The following CUX2 variants were observed in gnomAD, a reference collection of about 807,000 sequenced individuals.
CUX2 encodes the protein cut like homeobox 2.
In CUX2, 40 loss-of-function variants were observed where a neutral mutation model predicts 144.8. The observed-to-expected ratio is 0.28, with a 90% CI of 0.21 to 0.36. The LOEUF is 0.36. Among genes scored for constraint, CUX2 ranks in the 10% least tolerant of loss-of-function variants. The pLI, the probability that CUX2 is intolerant of heterozygous loss-of-function variation, is 1.00. For missense variants in CUX2, 1,615 were observed against 1,994.0 expected (o/e 0.81, Z 3.62); for synonymous variants, 827 against 875.6 (o/e 0.94, Z 0.98).
intron 1 of CUX2, among the ~76,000 whole-genome samples, chr12:111,184,103 A>G (rs531995365): frequency 5.9e-5 from 9 of 152,300 alleles, no homozygotes; most frequent in Non-Finnish European, 1.3e-4. Context: ...GCAGCCATCA[A>G]TGTGGTCCCT....
At chr12:111,046,420 C>G (rs771149883) in intron 1 of CUX2, among the ~76,000 whole-genome samples, 8 of 152,198 alleles carry the variant, frequency 5.3e-5, no homozygotes, top group African/African-American at 7.2e-5. Flanking sequence ...GATGACCATT[C>G]CCATTTTACA....
rs1284332799 is a variant in CUX2, at chr12:111,337,546, T to C, written c.3197-740T>C. On this transcript the variant is annotated intron_variant, in intron 19 of 21. Transcript: ENST00000261726. ...CTTTCCTGCTGCCTCTAAAAATAAG[T>C]CTGTGTGCATCTGTGTGAACTTGGG... 2.6e-5 allele frequency among the ~76,000 whole-genome samples: 4 copies of C among 152,150 alleles called. No homozygotes were observed. The East Asian group carries it at 7.7e-4, about 29-fold the overall frequency.
intron 18 of CUX2, among the ~76,000 whole-genome samples, chr12:111,333,902 C>G (rs1400886654): frequency 6.6e-6 from 1 of 151,580 alleles, no homozygotes; most frequent in Non-Finnish European, 1.5e-5. Flanking sequence ...AATTACTAAG[C>G]ATCGGCCAGG....
chr12:111,294,806 G>C lies in CUX2; in HGVS notation c.561-527G>C, dbSNP rs530130441. 7.9e-5 allele frequency among the ~76,000 whole-genome samples: 12 copies of C among 152,090 alleles called. No individual in the cohort carries two copies. In the East Asian group the frequency reaches 1.6e-3, roughly 20 times the overall value. On this transcript the variant is annotated intron_variant, in intron 6 of 21. Transcript: ENST00000261726. ...CCAGGTACTCAGGAGGTTTAGGCGG[G>C]AGAATTGCTTGAACCTGGGAGGCGG...
At chr12:111,041,427 T>A (rs73411390) in intron 1 of CUX2, among the ~76,000 whole-genome samples, 11,486 of 152,248 alleles carry the variant, frequency 0.075, 1,431 homozygotes, top group African/African-American at 0.26. Flanking sequence ...CTCTTACTCC[T>A]TTGGGGTTAC....
chr12:111,193,416 A>C (rs985189292), intron 1 of CUX2, among the ~76,000 whole-genome samples: 8 of 152,246 alleles, frequency 5.3e-5, no homozygotes, highest in Non-Finnish European at 8.8e-5. Context: ...ACACTTGTGA[A>C]GTGTAATCAG....
intron 1 of CUX2, among the ~76,000 whole-genome samples, chr12:111,199,080 G>T (rs1880413210): frequency 6.6e-6 from 1 of 152,152 alleles, no homozygotes. Context: ...AAGGGAGGAG[G>T]CCTCGGAAAT....
At chr12:111,036,014 A>G (rs1246648508) in intron 1 of CUX2, among the ~76,000 whole-genome samples, 1 of 152,200 alleles carries the variant, frequency 6.6e-6, no homozygotes, top group Non-Finnish European at 1.5e-5. Context: ...ACGAAGGCCA[A>G]TGGTAATCGT....
Position 111,334,647 on chromosome 12 carries a change from C to G in CUX2, c.3133C>G (p.Pro1045Ala), listed in dbSNP as rs759732385. The G allele has an allele frequency of 6.2e-7, 1 of 1,613,956 alleles. No homozygotes were observed. The highest frequency in any genetic ancestry group is 8.5e-7 in the Non-Finnish European group (1 of 1,180,010). Residue 1045 changes from proline to alanine, a missense_variant, in exon 19 of 22, where the codon CCC (proline) becomes GCC (alanine). This residue lies in a region of CUX2 where 128 missense variants were observed against 124.4 expected (regional missense o/e 1.03). Coordinates refer to ENST00000261726, the MANE Select transcript of CUX2 (RefSeq NM_015267.4). ...GGIQEIVAMS[P>A]ELDTYSITKR... Reference sequence around the variant, plus strand: ...CATCCAGGAGATCGTGGCCATGTCCCCCGAGCTGGACACGTACTCCATCAC... The same window carrying G: ...CATCCAGGAGATCGTGGCCATGTCCGCCGAGCTGGACACGTACTCCATCAC...
At position 111,303,221 on chromosome 12, in the gene CUX2, GAAAAAAAAA is replaced by G. The variant is rs5800927; in HGVS notation, c.754-971_754-963del. Reference sequence around the variant, plus strand: ...GGGTGACAGAGCGAGACCCTGTCTCGAAAAAAAAAAAAAAAAAAAAAAAAAATCGACCAT... The same window carrying G: ...GGGTGACAGAGCGAGACCCTGTCTCGAAAAAAAAAAAAAAAAATCGACCAT... On this transcript the variant is annotated intron_variant, in intron 9 of 21. Transcript: ENST00000261726. 1.2e-3 allele frequency among the ~76,000 whole-genome samples: 61 copies of G among 49,396 alleles called. 1 individual carries two copies. Among genetic ancestry groups the G allele is most frequent in the East Asian group, 7.5e-3 (10 of 1,332 alleles). The allele number at this position is 49,396 out of a possible 152,430, so 32.4% of individuals were successfully genotyped here. A position where few individuals can be genotyped will look rare whatever the true frequency, so the allele number is the denominator to read the frequency against.
chr12:111,203,132 T>C (rs1880697519), intron 1 of CUX2, among the ~76,000 whole-genome samples: 2 of 150,038 alleles, frequency 1.3e-5, no homozygotes, highest in African/African-American at 4.9e-5. Flanking sequence ...CTCAGGAGGC[T>C]GAGGCAGGAG....
chr12:111,127,639 G>A (rs933738806), intron 1 of CUX2, among the ~76,000 whole-genome samples: 1 of 152,178 alleles, frequency 6.6e-6, no homozygotes, highest in African/African-American at 2.4e-5. Flanking sequence ...CAAAGTATAA[G>A]GCCACAGAGT....
intron 6 of CUX2, among the ~76,000 whole-genome samples, chr12:111,294,770 C>T (rs1418753937): frequency 4.6e-5 from 7 of 151,748 alleles, no homozygotes; most frequent in Admixed American, 6.6e-5. Flanking sequence ...TGGTGGCAGG[C>T]GCCTGCAATC....
intron 19 of CUX2, among the ~76,000 whole-genome samples, chr12:111,337,893 G>T (rs1207419701): frequency 6.6e-6 from 1 of 152,088 alleles, no homozygotes; most frequent in Non-Finnish European, 1.5e-5. Flanking sequence ...AAATTAGCTG[G>T]GTGTGGTAGT....
At chr12:111,290,974 T>G (rs557316166) in intron 4 of CUX2, among the ~76,000 whole-genome samples, 58 of 152,206 alleles carry the variant, frequency 3.8e-4, no homozygotes, top group African/African-American at 1.4e-3. Context: ...GCGAGTCTCC[T>G]GCTTCAGCCT....
At chr12:111,119,025 A>G (rs750343599) in intron 1 of CUX2, among the ~76,000 whole-genome samples, 1 of 152,210 alleles carries the variant, frequency 6.6e-6, no homozygotes, top group Non-Finnish European at 1.5e-5. Context: ...CTCCTATCAG[A>G]TTGCAAAATG....
intron 1 of CUX2, among the ~76,000 whole-genome samples, chr12:111,184,573 CAAAAAAA>C (rs71445536): frequency 7.7e-3 from 361 of 46,904 alleles, no homozygotes; most frequent in Middle Eastern, 0.069. Flanking sequence ...TTCTCTCTAC[CAAAAAAA>C]AAAAAAAAAA....
chr12:111,162,653 T>C (rs1877854508), intron 1 of CUX2, among the ~76,000 whole-genome samples: 1 of 152,204 alleles, frequency 6.6e-6, no homozygotes, highest in Non-Finnish European at 1.5e-5. Flanking sequence ...GTATGTTTCT[T>C]GAACCCATAA....
intron 4 of CUX2, among the ~76,000 whole-genome samples, chr12:111,268,470 C>G (rs1345505620): frequency 6.6e-6 from 1 of 152,222 alleles, no homozygotes; most frequent in African/African-American, 2.4e-5. Flanking sequence ...GACGTTCAGC[C>G]AGTACACATG....
Sources: allele counts gnomAD v4.1 joint callset (sites outside exome capture counted in the v4.1 genomes callset), GRCh38; gene constraint gnomAD v4.1.1; regional missense constraint gnomAD v4.1.1; transcripts MANE v1.5; gene names NCBI Gene and HGNC (gene_info 2026-07-23, HGNC 2026-07-21).